Variants in CACNA1E observed in about 807,000 individuals in gnomAD.
CACNA1E encodes calcium voltage-gated channel subunit alpha1 E.
In CACNA1E, 40 loss-of-function variants were observed where a neutral mutation model predicts 259.2. The observed-to-expected ratio is 0.15, with a 90% CI of 0.12 to 0.20. CACNA1E has a LOEUF of 0.20. Ranked by LOEUF, CACNA1E falls within the 10% of genes least tolerant of loss-of-function variation. CACNA1E has a pLI of 1.00. For missense variants in CACNA1E, 1,874 were observed against 3,040.1 expected (o/e 0.62, Z 9.02); for synonymous variants, 1,104 against 1,138.5 (o/e 0.97, Z 0.61).
At chr1:181,335,963 C>G (rs1001224412) in intron 1 of CACNA1E, among the ~76,000 whole-genome samples, 1 of 152,194 alleles carries the variant, frequency 6.6e-6, no homozygotes, top group Non-Finnish European at 1.5e-5. Context: ...AGTTTCTCTG[C>G]AGTATGCCTG....
At chr1:181,659,910 G>A (rs1647456973) in intron 7 of CACNA1E, among the ~76,000 whole-genome samples, 1 of 152,164 alleles carries the variant, frequency 6.6e-6, no homozygotes, top group Non-Finnish European at 1.5e-5. Flanking sequence ...CTTCTATTCA[G>A]GGATACTGAC....
intron 6 of CACNA1E, among the ~76,000 whole-genome samples, chr1:181,591,844 C>G (rs1652681792): frequency 6.6e-6 from 1 of 152,166 alleles, no homozygotes; most frequent in Non-Finnish European, 1.5e-5. Flanking sequence ...ATGGATAAAG[C>G]CTTTGACACA....
intron 1 of CACNA1E, among the ~76,000 whole-genome samples, chr1:181,355,341 A>G (rs571936407): frequency 1.3e-5 from 2 of 152,326 alleles, no homozygotes; most frequent in Admixed American, 1.3e-4. Flanking sequence ...TAATCTCAGC[A>G]CTTTGGGAGG....
At chr1:181,330,940 A>C (rs1651210846) in intron 1 of CACNA1E, among the ~76,000 whole-genome samples, 2 of 152,194 alleles carry the variant, frequency 1.3e-5, no homozygotes, top group South Asian at 4.1e-4. Flanking sequence ...GTTTGAGAGC[A>C]AGGGATTGTA....
intron 2 of CACNA1E, among the ~76,000 whole-genome samples, chr1:181,439,845 C>A (rs935657234): frequency 3.9e-5 from 6 of 152,048 alleles, no homozygotes; most frequent in Non-Finnish European, 8.8e-5. Flanking sequence ...TAAGAAGTAC[C>A]TTTCGGAAGT....
intron 44 of CACNA1E, among the ~76,000 whole-genome samples, chr1:181,790,841 A>T (rs1042190620): frequency 6.6e-6 from 1 of 152,190 alleles, no homozygotes; most frequent in African/African-American, 2.4e-5. Flanking sequence ...CAAGTGTAAG[A>T]CCGGAAGTCA....
chr1:181,656,271 G>T lies in CACNA1E; in HGVS notation c.1055+4830G>T, dbSNP rs1659199625. Among the ~76,000 whole-genome samples, 3 of 152,182 alleles carry T rather than the reference G, an allele frequency of 2.0e-5. No homozygotes were observed. The South Asian group carries it at 6.2e-4, about 32-fold the overall frequency. ...CATAGGAGATGACAGCTCCCTGTGT[G>T]TTATTGCTCCTGAAGACCTTCCAGT... On this transcript the variant is annotated intron_variant, in intron 7 of 47. Transcript: ENST00000367573.
At position 181,732,546 on chromosome 1, in the gene CACNA1E, C is replaced by A; in HGVS notation, c.2460C>A (p.Leu820=). ...ACCCGCTCAGCTCCCTCAACCCGCT[C>A]AATGCCCACCCCAGCCTTTATCGGC... The part of the protein sequence containing the change: ...PLNPLSSLNP[L]NAHPSLYRRP... Residue 820 remains leucine (L), a synonymous_variant, in exon 20 of 48, where the codon CTC becomes CTA. Transcript: ENST00000367573. This position sits in a 1 kb window ranked among gnomAD's most constrained non-coding sequence, Gnocchi z 5.5. 1 of 1,549,510 alleles carries A rather than the reference C, an allele frequency of 6.5e-7. No individual in the cohort carries two copies. The highest frequency in any genetic ancestry group is 8.7e-7 in the Non-Finnish European group (1 of 1,145,940).
At position 181,770,021 on chromosome 1, in the gene CACNA1E, A is replaced by T. The variant is rs182093131; in HGVS notation, c.4882-1272A>T. 2.0e-3 allele frequency among the ~76,000 whole-genome samples: 302 copies of T among 152,206 alleles called. 2 individuals are homozygous for T. Among genetic ancestry groups the T allele is most frequent in the African/African-American group, 7.0e-3 (290 of 41,528 alleles). On this transcript the variant is annotated intron_variant, in intron 35 of 47. Transcript: ENST00000367573. ...CCACCTCCATTCTCCCTGAGAGACA[A>T]GTAGTATTTGGGTTTTGAAAAACAG... is the stretch of plus-strand genomic sequence containing the variant.
At position 181,696,990 on chromosome 1, in the gene CACNA1E, T is replaced by C. The variant is rs939109065; in HGVS notation, c.1056-13964T>C. Reference sequence around the variant, plus strand: ...AAGAATGTGAATTTAATGCCTTCTTTATAGCCTCATTTCTCCACTCCATAG... The same window carrying C: ...AAGAATGTGAATTTAATGCCTTCTTCATAGCCTCATTTCTCCACTCCATAG... On this transcript the variant is annotated intron_variant, in intron 7 of 47. Coordinates refer to ENST00000367573, the MANE Select transcript of CACNA1E (RefSeq NM_001205293.3). Among the ~76,000 whole-genome samples the C allele has an allele frequency of 3.3e-5, 5 of 152,204 alleles. No individual in the cohort carries two copies. The East Asian group carries it at 9.6e-4, about 29-fold the overall frequency.
intron 6 of CACNA1E, among the ~76,000 whole-genome samples, chr1:181,649,436 G>C (rs1658560156): frequency 6.6e-6 from 1 of 151,246 alleles, no homozygotes; most frequent in African/African-American, 2.4e-5. Flanking sequence ...CTGTTTTAGT[G>C]GGGTGATTCC....
chr1:181,344,600 C>G (rs1467074186), intron 1 of CACNA1E, among the ~76,000 whole-genome samples: 1 of 152,158 alleles, frequency 6.6e-6, no homozygotes, highest in Non-Finnish European at 1.5e-5. Context: ...GGGGTCTGAG[C>G]AGCTGGAAAT....
chr1:181,705,402 T>G (rs1006456447), intron 7 of CACNA1E, among the ~76,000 whole-genome samples: 1 of 152,206 alleles, frequency 6.6e-6, no homozygotes, highest in Non-Finnish European at 1.5e-5. Context: ...AAAAAAGCAG[T>G]CACAAATACA....
rs149246436 is a variant in CACNA1E, at chr1:181,538,949, TG to T, written c.512+27441del. Among the ~76,000 whole-genome samples the T allele has an allele frequency of 1.7e-4, 26 of 152,340 alleles. No homozygotes were observed. The East Asian group carries it at 5.0e-3, about 29-fold the overall frequency. On this transcript the variant is annotated intron_variant, in intron 3 of 47. Transcript: ENST00000367573. ...CAATTCTTTGCCTAAAGGCTTTCAG[TG>T]GTTTGCTGTTTTCTGCAGCAGAATA...
At chr1:181,734,303 C>T (rs1427956808) in intron 21 of CACNA1E, among the ~76,000 whole-genome samples, 4 of 152,072 alleles carry the variant, frequency 2.6e-5, no homozygotes, top group Non-Finnish European at 1.5e-5. Context: ...GAGCTTTTAG[C>T]CACAAGTTCT....
intron 6 of CACNA1E, among the ~76,000 whole-genome samples, chr1:181,646,421 C>T (rs1658269866): frequency 6.6e-6 from 1 of 152,166 alleles, no homozygotes; most frequent in Non-Finnish European, 1.5e-5. Context: ...CCTGATCTAA[C>T]CAGCAGGTGC....
intron 25 of CACNA1E, among the ~76,000 whole-genome samples, chr1:181,745,092 T>A (rs2102624137): frequency 6.6e-6 from 1 of 152,038 alleles, no homozygotes; most frequent in South Asian, 2.1e-4. Context: ...AAAATGGAGT[T>A]TGGGAGGGAG....
chr1:181,637,915 GGCATAGAATT>G (rs1414496612), intron 6 of CACNA1E, among the ~76,000 whole-genome samples: 1 of 152,124 alleles, frequency 6.6e-6, no homozygotes, highest in Non-Finnish European at 1.5e-5. Flanking sequence ...GAAAGAATGT[GGCATAGAATT>G]GCAAGAAGCT....
chr1:181,412,107 G>A (rs571504515), intron 1 of CACNA1E, among the ~76,000 whole-genome samples: 3 of 152,358 alleles, frequency 2.0e-5, no homozygotes, highest in Admixed American at 1.3e-4. Context: ...GATTGAATAC[G>A]TACGTCTTTC....
Sources: allele counts gnomAD v4.1 joint callset (sites outside exome capture counted in the v4.1 genomes callset), GRCh38; gene constraint gnomAD v4.1.1; non-coding constraint Gnocchi (gnomAD v3.1); transcripts MANE v1.5; gene names NCBI Gene and HGNC (gene_info 2026-07-23, HGNC 2026-07-21).